The following GRM5 variants were observed in gnomAD, a reference collection of about 807,000 sequenced individuals.
GRM5 encodes glutamate metabotropic receptor 5, also known as metabotropic glutamate receptor 5.
GRM5 carries 19 observed loss-of-function variants against 83.1 expected under a neutral mutation model. The observed-to-expected ratio is 0.23, with a 90% CI of 0.16 to 0.34. GRM5 has a LOEUF of 0.34. Ranked by LOEUF, GRM5 falls within the 10% of genes least tolerant of loss-of-function variation. GRM5 has a pLI of 1.00. For synonymous variants in GRM5, 675 were observed against 633.6 expected, an observed-to-expected ratio of 1.07 and a Z score of -0.98; for missense variants, 1,160 against 1,588.3, an observed-to-expected ratio of 0.73 and a Z score of 4.58.
chr11:88,923,075 A>G (rs1342730420), intron 2 of GRM5, among the ~76,000 whole-genome samples: 1 of 152,132 alleles, frequency 6.6e-6, no homozygotes, highest in Non-Finnish European at 1.5e-5. Context: ...ACAGGAAATA[A>G]CAAATGCTGG....
chr11:88,959,035 A>C (rs114887569), intron 2 of GRM5, among the ~76,000 whole-genome samples: 5,137 of 152,232 alleles, frequency 0.034, 296 homozygotes, highest in African/African-American at 0.12. Context: ...AAGCCTACAG[A>C]AAATTCGATC....
At chr11:88,829,189 G>T (rs1943944372) in intron 3 of GRM5, among the ~76,000 whole-genome samples, 1 of 151,950 alleles carries the variant, frequency 6.6e-6, no homozygotes, top group Admixed American at 6.6e-5. Context: ...TGGCATGCTT[G>T]GTGGCTCATG....
At chr11:88,860,254 T>G (rs1944539590) in intron 2 of GRM5, among the ~76,000 whole-genome samples, 2 of 152,172 alleles carry the variant, frequency 1.3e-5, no homozygotes. Flanking sequence ...AAATAAAAAC[T>G]TGAGACAGAA....
At position 88,968,432 on chromosome 11, in the gene GRM5, C is replaced by T. The variant is rs189383094; in HGVS notation, c.661+78780G>A. Reference sequence around the variant, plus strand: ...GCATGGTGGTTCATGCTTGTAATCCCGACTGTTTGGGAGGCCAACTTAGGA... The same window carrying T: ...GCATGGTGGTTCATGCTTGTAATCCTGACTGTTTGGGAGGCCAACTTAGGA... On this transcript the variant is annotated intron_variant, in intron 2 of 9. Coordinates refer to ENST00000305447, the MANE Select transcript of GRM5 (RefSeq NM_001143831.3). 6.8e-4 allele frequency among the ~76,000 whole-genome samples: 104 copies of T among 152,186 alleles called. 1 individual carries two copies. Among genetic ancestry groups the T allele is most frequent in the Admixed American group, 2.7e-3 (41 of 15,264 alleles).
chr11:88,828,453 T>C (rs1359943607), intron 3 of GRM5, among the ~76,000 whole-genome samples: 2 of 152,150 alleles, frequency 1.3e-5, no homozygotes, highest in African/African-American at 4.8e-5. Context: ...AGTGTTTACT[T>C]GGAACTGGAG....
At chr11:88,734,649 T>C (rs371329875) in intron 3 of GRM5, among the ~76,000 whole-genome samples, 54 of 152,222 alleles carry the variant, frequency 3.5e-4, no homozygotes, top group African/African-American at 1.2e-3. Context: ...TTACAGTTAC[T>C]TAACATGCTG....
At chr11:88,877,437 A>T (rs950325590) in intron 2 of GRM5, among the ~76,000 whole-genome samples, 1 of 152,168 alleles carries the variant, frequency 6.6e-6, no homozygotes, top group Admixed American at 6.6e-5. Flanking sequence ...GAAATGGTAT[A>T]GATATTTGGG....
chr11:88,856,620 T>A (rs944689135), intron 2 of GRM5, among the ~76,000 whole-genome samples: 1 of 152,110 alleles, frequency 6.6e-6, no homozygotes, highest in Non-Finnish European at 1.5e-5. Flanking sequence ...ATCAGTAACA[T>A]GGTCATTTAT....
intron 2 of GRM5, among the ~76,000 whole-genome samples, chr11:88,894,159 A>G (rs1219677773): frequency 6.6e-6 from 1 of 151,906 alleles, no homozygotes; most frequent in East Asian, 1.9e-4. Context: ...TGGACAGCCC[A>G]TTTGCATAAT....
At chr11:88,851,335 T>A (rs1434612570) in intron 2 of GRM5, among the ~76,000 whole-genome samples, 1 of 152,086 alleles carries the variant, frequency 6.6e-6, no homozygotes, top group Non-Finnish European at 1.5e-5. Flanking sequence ...GTAGAACATA[T>A]AAGGATGTGA....
chr11:89,009,034 C>A (rs767556484), intron 2 of GRM5: 6 of 736,732 alleles, frequency 8.1e-6, no homozygotes, highest in Admixed American at 1.9e-5. Context: ...GTTTTACACA[C>A]CTCATAAAAG....
intron 3 of GRM5, among the ~76,000 whole-genome samples, chr11:88,787,706 G>A (rs1591516500): frequency 6.6e-6 from 1 of 151,984 alleles, no homozygotes; most frequent in Admixed American, 6.6e-5. Context: ...TAGATCATTA[G>A]GTGTTGGATT....
intron 1 of GRM5, among the ~76,000 whole-genome samples, chr11:89,056,583 T>C (rs1297816658): frequency 1.3e-5 from 2 of 152,108 alleles, no homozygotes; most frequent in Non-Finnish European, 2.9e-5. Context: ...TCAAGTAAAA[T>C]AAATTATTTT....
chr11:88,587,341 T>G (rs1011165856), intron 7 of GRM5, among the ~76,000 whole-genome samples: 4 of 152,108 alleles, frequency 2.6e-5, no homozygotes, highest in Admixed American at 6.6e-5. Context: ...AGACAATATG[T>G]ACACAGACAG....
intron 3 of GRM5, among the ~76,000 whole-genome samples, chr11:88,818,062 C>T (rs1417195188): frequency 1.3e-5 from 2 of 151,884 alleles, no homozygotes; most frequent in Non-Finnish European, 2.9e-5. Context: ...AACCTCAGTT[C>T]CTTTTTGGTA....
intron 7 of GRM5, among the ~76,000 whole-genome samples, chr11:88,583,427 G>A (rs1304341268): frequency 6.6e-6 from 1 of 152,182 alleles, no homozygotes; most frequent in Non-Finnish European, 1.5e-5. Flanking sequence ...TGCCTTGGAT[G>A]GAATAAAATG....
intron 3 of GRM5, among the ~76,000 whole-genome samples, chr11:88,782,548 G>A (rs1223276297): frequency 6.6e-6 from 1 of 152,094 alleles, no homozygotes; most frequent in South Asian, 2.1e-4. Flanking sequence ...TTTGGGTGGG[G>A]ACACAGTCAA....
At chr11:89,036,014 AT>A (rs1267846728) in intron 2 of GRM5, among the ~76,000 whole-genome samples, 2 of 152,064 alleles carry the variant, frequency 1.3e-5, no homozygotes, top group East Asian at 3.9e-4. Flanking sequence ...GCTTGTACCT[AT>A]TTTTTTCACT....
intron 2 of GRM5, among the ~76,000 whole-genome samples, chr11:88,930,134 G>C (rs1471532184): frequency 1.3e-5 from 2 of 152,066 alleles, no homozygotes; most frequent in Non-Finnish European, 2.9e-5. Context: ...AATAATTTGT[G>C]CTGGGTGCAG....
Sources: gnomAD v4.1 joint callset for allele counts (sites outside exome capture counted in the v4.1 genomes callset) on GRCh38, gnomAD v4.1.1 for gene constraint, MANE v1.5 for transcripts, NCBI Gene and HGNC (gene_info 2026-07-23, HGNC 2026-07-21) for gene names.